Variants in B3GALT1 observed in about 807,000 individuals in gnomAD.
B3GALT1 encodes the protein beta-1,3-galactosyltransferase 1, also known as UDP-Gal:betaGlcNAc beta 1,3-galactosyltransferase, polypeptide 1.
Under a neutral mutation model 23.2 loss-of-function variants are expected in B3GALT1, and 10 were observed. The observed-to-expected ratio is 0.43, with a 90% CI of 0.27 to 0.73. The LOEUF is 0.73. Ranked by LOEUF, B3GALT1 falls within the 30% of genes least tolerant of loss-of-function variation. The pLI is 0.21. For synonymous variants in B3GALT1, 156 were observed against 141.5 expected, an observed-to-expected ratio of 1.10 and a Z score of -0.73; for missense variants, 299 against 405.4, an observed-to-expected ratio of 0.74 and a Z score of 2.25.
At chr2:167,447,247 C>A (rs971792325) in intron 1 of B3GALT1, among the ~76,000 whole-genome samples, 11 of 152,288 alleles carry the variant, frequency 7.2e-5, no homozygotes, top group Admixed American at 3.3e-4. Context: ...GGGCACCTGG[C>A]CGTGTGAGGT....
chr2:167,362,093 G>A (rs145173363), intron 1 of B3GALT1, among the ~76,000 whole-genome samples: 7 of 151,996 alleles, frequency 4.6e-5, no homozygotes, highest in African/African-American at 1.7e-4. Context: ...AACAAAATCA[G>A]AGTCTTGGAT....
intron 1 of B3GALT1, among the ~76,000 whole-genome samples, chr2:167,455,695 T>C (rs1699159115): frequency 6.6e-6 from 1 of 152,080 alleles, no homozygotes; most frequent in South Asian, 2.1e-4. Context: ...GTATTTTTAA[T>C]AGAGACGAGA....
At chr2:167,492,342 T>C (rs556356192) in intron 2 of B3GALT1, among the ~76,000 whole-genome samples, 1 of 152,344 alleles carries the variant, frequency 6.6e-6, no homozygotes, top group Non-Finnish European at 1.5e-5. Flanking sequence ...GAATAATATT[T>C]CATTGGACGG....
intron 3 of B3GALT1, among the ~76,000 whole-genome samples, chr2:167,678,717 A>G (rs1251382449): frequency 6.6e-6 from 1 of 152,252 alleles, no homozygotes; most frequent in Admixed American, 6.5e-5. Context: ...AAAACTAAGA[A>G]GGCTAGATCA....
intron 4 of B3GALT1, among the ~76,000 whole-genome samples, chr2:167,858,704 C>A (rs1690044780): frequency 6.6e-6 from 1 of 152,066 alleles, no homozygotes; most frequent in Admixed American, 6.6e-5. Context: ...TGACTGCCTA[C>A]AAAATAATTT....
At chr2:167,742,638 G>A (rs1183084877) in intron 3 of B3GALT1, among the ~76,000 whole-genome samples, 5 of 152,046 alleles carry the variant, frequency 3.3e-5, no homozygotes, top group Admixed American at 6.6e-5. Flanking sequence ...TAACCACTTA[G>A]GACCTTATTT....
chr2:167,415,344 C>T (rs1698452557), intron 1 of B3GALT1, among the ~76,000 whole-genome samples: 2 of 152,234 alleles, frequency 1.3e-5, no homozygotes, highest in African/African-American at 4.8e-5. Context: ...GAAATCCCCA[C>T]AAGTAAGAAG....
intron 4 of B3GALT1, among the ~76,000 whole-genome samples, chr2:167,855,457 A>T (rs1689983867): frequency 1.3e-5 from 2 of 152,134 alleles, no homozygotes; most frequent in Admixed American, 6.6e-5. Context: ...ATTATTAGTG[A>T]GATTGTATAC....
intron 3 of B3GALT1, among the ~76,000 whole-genome samples, chr2:167,758,716 T>C (rs1195938061): frequency 2.0e-5 from 3 of 152,166 alleles, no homozygotes; most frequent in African/African-American, 7.2e-5. Context: ...TGTGTGTGCC[T>C]CATATTTGAA....
chr2:167,783,787 G>A (rs1688289962), intron 3 of B3GALT1, among the ~76,000 whole-genome samples: 1 of 152,148 alleles, frequency 6.6e-6, no homozygotes, highest in Non-Finnish European at 1.5e-5. Flanking sequence ...CTGCAGTCAG[G>A]TGAAATGGAA....
chr2:167,867,707 T>C (rs1690261794), intron 4 of B3GALT1, among the ~76,000 whole-genome samples: 1 of 152,222 alleles, frequency 6.6e-6, no homozygotes, highest in Non-Finnish European at 1.5e-5. Context: ...TTGTTAAAAT[T>C]GATACCTATT....
At chr2:167,311,046 A>T (rs1320244303) in intron 1 of B3GALT1, among the ~76,000 whole-genome samples, 2 of 152,124 alleles carry the variant, frequency 1.3e-5, no homozygotes, top group Non-Finnish European at 2.9e-5. Flanking sequence ...AAAATATTTA[A>T]CTACATAAAA....
At chr2:167,806,596 C>A (rs146525503) in intron 3 of B3GALT1, among the ~76,000 whole-genome samples, 12,974 of 152,204 alleles carry the variant, frequency 0.085, 719 homozygotes, top group Middle Eastern at 0.2. Flanking sequence ...GTCGTTGGTT[C>A]TGTTTATATG....
chr2:167,342,236 G>C (rs188607940), intron 1 of B3GALT1, among the ~76,000 whole-genome samples: 1 of 152,066 alleles, frequency 6.6e-6, no homozygotes, highest in Non-Finnish European at 1.5e-5. Context: ...TGAAAATGTC[G>C]AAGAAAAGTC....
At chr2:167,664,268 T>C (rs990891691) in intron 3 of B3GALT1, among the ~76,000 whole-genome samples, 2 of 151,230 alleles carry the variant, frequency 1.3e-5, no homozygotes, top group Non-Finnish European at 2.9e-5. Context: ...GATCAGATAG[T>C]TGTAGATGTG....
chr2:167,294,854 A>T (rs1222575042), intron 1 of B3GALT1, among the ~76,000 whole-genome samples: 1 of 152,208 alleles, frequency 6.6e-6, no homozygotes, highest in Non-Finnish European at 1.5e-5. Flanking sequence ...TTTGTCCCAA[A>T]ACAAAACAAA....
intron 2 of B3GALT1, among the ~76,000 whole-genome samples, chr2:167,563,136 T>C (rs1431084160): frequency 6.6e-6 from 1 of 151,964 alleles, no homozygotes; most frequent in Admixed American, 6.5e-5. Flanking sequence ...GCCATTGTCA[T>C]CATGGCCCGG....
In B3GALT1 at chr2:167,870,661, G is replaced by A. The variant is rs912474881; in HGVS notation, c.*641G>A. ...CAAGGATTAAATCTGGTCAGCAGGTGGAATGTGTATAAAATGCTACTTAAC... is the reference window on the plus strand; with the variant it reads ...CAAGGATTAAATCTGGTCAGCAGGTAGAATGTGTATAAAATGCTACTTAAC... On this transcript the variant is annotated 3_prime_UTR_variant, in exon 5 of 5. Transcript: ENST00000392690. 1.8e-5 allele frequency: 3 copies of A among 166,874 alleles called. No individual in the cohort carries two copies. The highest frequency in any genetic ancestry group is 7.2e-5 in the African/African-American group (3 of 41,388). The allele number at this position is 166,874 out of a possible 1,614,324, so 10.3% of individuals were successfully genotyped here. A position where few individuals can be genotyped will look rare whatever the true frequency, so the allele number is the denominator to read the frequency against.
chr2:167,528,265 T>C (rs1683255649), intron 2 of B3GALT1, among the ~76,000 whole-genome samples: 1 of 152,056 alleles, frequency 6.6e-6, no homozygotes, highest in Non-Finnish European at 1.5e-5. Flanking sequence ...TGCAAGAAAA[T>C]GTCAGGTTAT....
Sources: gnomAD v4.1 joint callset for allele counts (sites outside exome capture counted in the v4.1 genomes callset) on GRCh38, gnomAD v4.1.1 for gene constraint, MANE v1.5 for transcripts, NCBI Gene and HGNC (gene_info 2026-07-23, HGNC 2026-07-21) for gene names.